The following CSMD1 variants were observed in gnomAD, a reference collection of about 807,000 sequenced individuals.
CSMD1 encodes the protein CUB and sushi domain-containing protein 1.
CSMD1 carries 213 observed loss-of-function variants against 417.5 expected under a neutral mutation model. The observed-to-expected ratio is 0.51, with a 90% CI of 0.46 to 0.57. The LOEUF is 0.57. CSMD1 is among the 20% of genes least tolerant of loss of function. CSMD1 has a pLI of 0.00. For missense variants in CSMD1, 6,923 were observed against 4,529.7 expected, an observed-to-expected ratio of 1.53 and a Z score of -15.17; for synonymous variants, 2,862 against 1,736.8, an observed-to-expected ratio of 1.65 and a Z score of -16.11.
intron 5 of CSMD1, among the ~76,000 whole-genome samples, chr8:3,877,634 C>G (rs1307977159): frequency 3.9e-5 from 6 of 152,046 alleles, no homozygotes; most frequent in African/African-American, 1.5e-4. Context: ...TTCATCTACT[C>G]CTTACAGTAG....
chr8:3,136,384 C>G (rs1017002961), intron 41 of CSMD1, among the ~76,000 whole-genome samples: 1 of 151,814 alleles, frequency 6.6e-6, no homozygotes, highest in Non-Finnish European at 1.5e-5. Flanking sequence ...CCTGCCTCAG[C>G]CTCCTGAGAA....
At chr8:4,539,609 AAG>A (rs1797281767) in intron 2 of CSMD1, among the ~76,000 whole-genome samples, 2 of 152,216 alleles carry the variant, frequency 1.3e-5, no homozygotes, top group South Asian at 4.1e-4. Context: ...CTTAGGAAAA[AAG>A]AGTTTGATGT....
intron 12 of CSMD1, among the ~76,000 whole-genome samples, chr8:3,465,893 G>A (rs965127111): frequency 6.6e-6 from 1 of 152,096 alleles, no homozygotes; most frequent in African/African-American, 2.4e-5. Flanking sequence ...AAAATTTCTG[G>A]GGAAACTATG....
chr8:3,546,680 T>C (rs138364845), intron 10 of CSMD1, among the ~76,000 whole-genome samples: 8 of 152,278 alleles, frequency 5.3e-5, no homozygotes, highest in East Asian at 1.9e-4. Flanking sequence ...AAAGATTGTA[T>C]AAACAGCTGG....
chr8:3,577,486 T>A (rs1370051903), intron 9 of CSMD1, among the ~76,000 whole-genome samples: 1 of 152,212 alleles, frequency 6.6e-6, no homozygotes, highest in Non-Finnish European at 1.5e-5. Flanking sequence ...CATTTTTTTA[T>A]TAAGCCATCA....
chr8:4,709,183 C>T (rs1164714764), intron 1 of CSMD1, among the ~76,000 whole-genome samples: 1 of 152,166 alleles, frequency 6.6e-6, no homozygotes, highest in Non-Finnish European at 1.5e-5. Context: ...CATAGCTCAG[C>T]TCACAATCGA....
chr8:3,262,230 T>TATATATATATATATATACAC (rs770901446), intron 26 of CSMD1, among the ~76,000 whole-genome samples: 1 of 95,684 alleles, frequency 1.0e-5, no homozygotes, highest in African/African-American at 4.4e-5. Flanking sequence ...TATATATATA[T>TATATATATATATATATACAC]ACACACACAT....
chr8:4,272,516 G>C (rs1403922762), intron 3 of CSMD1, among the ~76,000 whole-genome samples: 2 of 152,046 alleles, frequency 1.3e-5, no homozygotes, highest in Admixed American at 6.5e-5. Flanking sequence ...AAAATACATA[G>C]AAACCACATG....
intron 1 of CSMD1, among the ~76,000 whole-genome samples, chr8:4,963,093 C>G (rs17071930): frequency 6.6e-6 from 1 of 152,132 alleles, no homozygotes; most frequent in Non-Finnish European, 1.5e-5. Flanking sequence ...TCCAGGCCTC[C>G]GCAAGAATAT....
At chr8:3,518,240 T>G (rs1797362649) in intron 10 of CSMD1, among the ~76,000 whole-genome samples, 1 of 152,190 alleles carries the variant, frequency 6.6e-6, no homozygotes, top group Non-Finnish European at 1.5e-5. Flanking sequence ...TTAATTTTCC[T>G]TCATAAATAT....
chr8:3,610,957 C>T (rs1344300643), intron 8 of CSMD1, among the ~76,000 whole-genome samples: 3 of 151,362 alleles, frequency 2.0e-5, no homozygotes, highest in South Asian at 2.1e-4. Flanking sequence ...CAGCACCAGG[C>T]AGTAGGAGAG....
At chr8:4,672,098 A>G (rs1392405528) in intron 1 of CSMD1, among the ~76,000 whole-genome samples, 1 of 152,246 alleles carries the variant, frequency 6.6e-6, no homozygotes, top group Non-Finnish European at 1.5e-5. Context: ...GGCTTTCTAC[A>G]GTGACAGGAC....
intron 3 of CSMD1, among the ~76,000 whole-genome samples, chr8:4,061,382 T>G (rs1477013459): frequency 6.6e-6 from 1 of 152,126 alleles, no homozygotes; most frequent in Non-Finnish European, 1.5e-5. Flanking sequence ...TGAAATGAAG[T>G]AAGTGCACAA....
intron 1 of CSMD1, among the ~76,000 whole-genome samples, chr8:4,774,355 A>G (rs1796740676): frequency 6.6e-6 from 1 of 152,196 alleles, no homozygotes; most frequent in Non-Finnish European, 1.5e-5. Context: ...GAAATCCATG[A>G]GTAAGATCAG....
intron 10 of CSMD1, among the ~76,000 whole-genome samples, chr8:3,505,256 C>T (rs907485029): frequency 2.6e-5 from 4 of 151,858 alleles, no homozygotes; most frequent in Admixed American, 1.3e-4. Flanking sequence ...CTGTTAGATG[C>T]GATAAAATGC....
At chr8:3,798,522 G>A (rs141613250) in intron 5 of CSMD1, among the ~76,000 whole-genome samples, 97 of 152,160 alleles carry the variant, frequency 6.4e-4, no homozygotes, top group Non-Finnish European at 1.1e-3. Context: ...GAAGAGGAAA[G>A]ACAGCAAAGA....
intron 25 of CSMD1, among the ~76,000 whole-genome samples, chr8:3,293,766 G>T (rs1057113271): frequency 1.3e-5 from 2 of 152,058 alleles, no homozygotes; most frequent in African/African-American, 2.4e-5. Context: ...CTTTGCCATG[G>T]GTTCAAACTT....
intron 5 of CSMD1, among the ~76,000 whole-genome samples, chr8:3,895,917 G>A (rs1232037912): frequency 1.3e-5 from 2 of 152,184 alleles, no homozygotes. Flanking sequence ...ACTCAGGTGG[G>A]AGAGGCACCA....
At chr8:4,114,309 A>T (rs1298875726) in intron 3 of CSMD1, among the ~76,000 whole-genome samples, 3 of 152,208 alleles carry the variant, frequency 2.0e-5, no homozygotes, top group Non-Finnish European at 4.4e-5. Context: ...GGAAAAATAA[A>T]GTCTGGATGA....
Sources: gnomAD v4.1 joint callset for allele counts (sites outside exome capture counted in the v4.1 genomes callset) on GRCh38, gnomAD v4.1.1 for gene constraint, MANE v1.5 for transcripts, NCBI Gene and HGNC (gene_info 2026-07-23, HGNC 2026-07-21) for gene names.